Variants in SAP25 observed in about 807,000 individuals in gnomAD.
SAP25 encodes Sin3A associated protein 25.
Under a neutral mutation model 31.5 loss-of-function variants are expected in SAP25, and 24 were observed. That is an observed-to-expected ratio of 0.76 (90% CI 0.55 to 1.07). The LOEUF (loss-of-function observed/expected upper bound fraction) is 1.07. Ranked by LOEUF, SAP25 falls within the 50% of genes least tolerant of loss-of-function variation. The pLI is 0.00. For synonymous variants in SAP25, 180 were observed against 186.0 expected, an observed-to-expected ratio of 0.97 and a Z score of 0.26; for missense variants, 377 against 418.8, an observed-to-expected ratio of 0.90 and a Z score of 0.87.
rs528153790 is a variant in SAP25, at chr7:100,573,153, G to A, written c.310C>T (p.Pro104Ser). The A allele has an allele frequency of 1.1e-4, 173 of 1,536,026 alleles. 3 individuals are homozygous for A. The South Asian group carries it at 2.0e-3, about 18-fold the overall frequency. Reference protein sequence around the residue: ...VAPSRMTPLAPWDPKYEAKAG... With the variant: ...VAPSRMTPLASWDPKYEAKAG... Reference sequence around the variant, plus strand: ...TTGGCTTCATACTTGGGGTCCCAGGGCGCTAGTGGAGTCATCCTCGAGGGG... The same window carrying A: ...TTGGCTTCATACTTGGGGTCCCAGGACGCTAGTGGAGTCATCCTCGAGGGG... Residue 104 changes from proline (P) to serine (S), a missense_variant, in exon 3 of 6, where the codon CCC (proline) becomes TCC (serine). Physicochemically the swap from Pro to Ser is moderately conservative, Grantham distance 74. Coordinates refer to ENST00000622764, the MANE Select transcript of SAP25 (RefSeq NM_001348680.2).
chr7:100,572,779 G>T lies in SAP25; in HGVS notation c.512-28C>A. 1 of 1,518,964 alleles carries T rather than the reference G, an allele frequency of 6.6e-7. No individual in the cohort carries two copies. Among genetic ancestry groups the T allele is most frequent in the Non-Finnish European group, 8.8e-7 (1 of 1,139,616 alleles). 94.1% of individuals were successfully genotyped at this position (1,518,964 alleles called of 1,614,324 possible). On this transcript the variant is annotated intron_variant, in intron 4 of 5. Coordinates refer to ENST00000622764, the MANE Select transcript of SAP25 (RefSeq NM_001348680.2). This position sits in a 1 kb window ranked among gnomAD's most constrained non-coding sequence, Gnocchi z 4.1. The stretch of plus-strand genomic sequence containing the variant: ...AGGAGGAAACACCACTAGGGTGGCG[G>T]GCTGCGGGCTCCCACCCCTGGGCAC...
Position 100,572,799 on chromosome 7 carries a change from G to A in SAP25, c.512-48C>T. 6.6e-7 allele frequency: 1 copy of A among 1,510,204 alleles called. No individual in the cohort carries two copies. The highest frequency in any genetic ancestry group is 8.8e-7 in the Non-Finnish European group (1 of 1,135,870). The allele number at this position is 1,510,204 out of a possible 1,614,324, so 93.6% of individuals were successfully genotyped here. On this transcript the variant is annotated intron_variant, in intron 4 of 5. Coordinates refer to ENST00000622764, the MANE Select transcript of SAP25 (RefSeq NM_001348680.2). This position sits in a 1 kb window ranked among gnomAD's most constrained non-coding sequence, Gnocchi z 4.1. ...TGGCGGGCTGCGGGCTCCCACCCCT[G>A]GGCACTGGTTCCCAGAGGAGTTGGG...
In SAP25 at chr7:100,572,493, C is replaced by T. The variant is rs540582443; in HGVS notation, c.688G>A (p.Gly230Ser). 47 of 1,431,608 alleles carry T rather than the reference C, an allele frequency of 3.3e-5. No homozygotes were observed. The African/African-American group carries it at 6.1e-4, about 18-fold the overall frequency. The allele number at this position is 1,431,608 out of a possible 1,614,324, so 88.7% of individuals were successfully genotyped here. Residue 230 changes from glycine (G) to serine (S), a missense_variant, in exon 6 of 6, where the codon GGC becomes AGC. Gly to Ser is a moderately conservative substitution (Grantham distance 56). Coordinates refer to ENST00000622764, the MANE Select transcript of SAP25 (RefSeq NM_001348680.2). This position sits in a 1 kb window ranked among gnomAD's most constrained non-coding sequence, Gnocchi z 4.1. ...RVLPRPSPSR[G>S]PSTAWLSGPE... ...CCGCTGAGCCAGGCAGTGGAGGGGC[C>T]CCGGGAGGGTGATGGGCGGGGGAGC...
chr7:100,573,296 C>T lies in SAP25; in HGVS notation c.250+1G>A. ...AGTAGAGGCAGCAGGGCCTGTCCTA[C>T]CTGGGGCTCCGGGGGGCTGCTCAGT... On this transcript the variant is annotated splice_donor_variant, in intron 2 of 5. Coordinates refer to ENST00000622764, the MANE Select transcript of SAP25 (RefSeq NM_001348680.2). LOFTEE classifies it high-confidence loss of function. 2 of 1,394,040 alleles carry T rather than the reference C, an allele frequency of 1.4e-6. No individual in the cohort carries two copies. Among genetic ancestry groups the T allele is most frequent in the South Asian group, 1.6e-5 (1 of 61,920 alleles). 86.4% of individuals were successfully genotyped at this position (1,394,040 alleles called of 1,614,324 possible).
Position 100,573,884 on chromosome 7 carries a change from G to T in SAP25, c.-142C>A. The T allele has an allele frequency of 1.6e-6, 1 of 639,668 alleles. No homozygotes were observed. The highest frequency in any genetic ancestry group is 2.1e-6 in the Non-Finnish European group (1 of 487,662). 39.6% of individuals were successfully genotyped at this position (639,668 alleles called of 1,614,324 possible). On this transcript the variant is annotated 5_prime_UTR_variant, in exon 1 of 6. Transcript: ENST00000622764. ...CCTCGCGGCGACGCTGGCGCCCTGT[G>T]CGTCTCCCGGCCACGTGGCGCGTGC...
In SAP25 at chr7:100,573,317, T is replaced by C; in HGVS notation, c.230A>G (p.Glu77Gly). 1 of 1,384,088 alleles carries C rather than the reference T, an allele frequency of 7.2e-7. No homozygotes were observed. Among genetic ancestry groups the C allele is most frequent in the South Asian group, 1.7e-5 (1 of 59,038 alleles). 85.7% of individuals were successfully genotyped at this position (1,384,088 alleles called of 1,614,324 possible). The change falls in exon 2 of 6, where the codon GAG becomes GGG. Residue 77 changes from glutamate (E) to glycine (G), a missense_variant. Transcript: ENST00000622764. ...LPHHLPGPAT[E>G]QPPGAPDPRS... ...CCTACCTGGGGCTCCGGGGGGCTGC[T>C]CAGTGGCCGGGCCTGGCAGGTGGTG... is the stretch of plus-strand genomic sequence containing the variant.
Position 100,573,246 on chromosome 7 carries a change from C to T in SAP25, c.251-34G>A, listed in dbSNP as rs1199873972. The T allele has an allele frequency of 6.9e-6, 10 of 1,450,702 alleles. No homozygotes were observed. In the Admixed American group the frequency reaches 1.6e-4, roughly 23 times the overall value. 89.9% of individuals were successfully genotyped at this position (1,450,702 alleles called of 1,614,324 possible). A position where few individuals can be genotyped will look rare whatever the true frequency, so the allele number is the denominator to read the frequency against. ...ACGCTTGGGGATTATAACAGGCTCA[C>T]AGTCAGTGAGAGGCTCTTAGGGGTA... On this transcript the variant is annotated intron_variant, in intron 2 of 5. Transcript: ENST00000622764.
intron 1 of SAP25, 23 bp from the exon 2 acceptor site, chr7:100,573,423 T>A: frequency 3.9e-6 from 5 of 1,277,044 alleles, no homozygotes; most frequent in Non-Finnish European, 5.0e-6. Context: ...GGACTGAGGC[T>A]GCAGCCACAC....
chr7:100,572,570 A>C lies in SAP25; in HGVS notation c.611T>G (p.Met204Arg), dbSNP rs1801167721. Residue 204 changes from methionine to arginine, a missense_variant and splice_region_variant, in exon 6 of 6, where the codon ATG becomes AGG. Transcript: ENST00000622764. The surrounding 1 kb of genome is among the most constrained non-coding windows in gnomAD (Gnocchi z 4.1). ...PLYLSKAPQQ[M>R]MGSLKLLPPP... ...CGGCAGCAGTTTCAGGGAGCCCATC[A>C]TCTGAGGAGAGAGAATGGAATGTGT... 9.6e-6 allele frequency: 14 copies of C among 1,457,414 alleles called. No homozygotes were observed. Among genetic ancestry groups the C allele is most frequent in the Non-Finnish European group, 1.2e-5 (13 of 1,108,558 alleles). 90.3% of individuals were successfully genotyped at this position (1,457,414 alleles called of 1,614,324 possible).
Position 100,572,423 on chromosome 7 carries a change from C to T in SAP25, c.758G>A (p.Gly253Glu), listed in dbSNP as rs1358258014. ...CGCGGAGGAGCTGGGCCTAGGCTCC[C>T]CCTGGCTCATCTGCAGCAGGCCAGT... ...ALTGLLQMSQ[G>E]EPRPSSSAVG... Residue 253 changes from glycine (G) to glutamate (E), a missense_variant, in exon 6 of 6, where the codon GGG becomes GAG. By Grantham distance (98) the Gly-to-Glu change is moderately conservative. Coordinates refer to ENST00000622764, the MANE Select transcript of SAP25 (RefSeq NM_001348680.2). This position sits in a 1 kb window ranked among gnomAD's most constrained non-coding sequence, Gnocchi z 4.1. 1 of 1,412,196 alleles carries T rather than the reference C, an allele frequency of 7.1e-7. No homozygotes were observed. The highest frequency in any genetic ancestry group is 2.7e-5 in the East Asian group (1 of 37,384). The allele number at this position is 1,412,196 out of a possible 1,614,324, so 87.5% of individuals were successfully genotyped here. A position where few individuals can be genotyped will look rare whatever the true frequency, so the allele number is the denominator to read the frequency against.
Position 100,573,789 on chromosome 7 carries a change from G to T in SAP25, c.-47C>A. 2.6e-6 allele frequency: 3 copies of T among 1,175,790 alleles called. No homozygotes were observed. The highest frequency in any genetic ancestry group is 2.1e-6 in the Non-Finnish European group (2 of 952,150). The allele number at this position is 1,175,790 out of a possible 1,614,324, so 72.8% of individuals were successfully genotyped here. A position where few individuals can be genotyped will look rare whatever the true frequency, so the allele number is the denominator to read the frequency against. On this transcript the variant is annotated 5_prime_UTR_variant, in exon 1 of 6. Coordinates refer to ENST00000622764, the MANE Select transcript of SAP25 (RefSeq NM_001348680.2). ...CGGTACCGCCGTGTCCCCGCCGCCC[G>T]GCCCGGCCCTCTCAGCCTCCCTCCG...
In SAP25 at chr7:100,572,530, C is replaced by T; in HGVS notation, c.651G>A (p.Met217Ile). 6.9e-7 allele frequency: 1 copy of T among 1,440,098 alleles called. No homozygotes were observed. Among genetic ancestry groups the T allele is most frequent in the Non-Finnish European group, 9.1e-7 (1 of 1,100,414 alleles). 89.2% of individuals were successfully genotyped at this position (1,440,098 alleles called of 1,614,324 possible). Residue 217 changes from methionine (M) to isoleucine (I), a missense_variant, in exon 6 of 6, where the codon ATG becomes ATA. Coordinates refer to ENST00000622764, the MANE Select transcript of SAP25 (RefSeq NM_001348680.2). The surrounding 1 kb of genome is among the most constrained non-coding windows in gnomAD (Gnocchi z 4.1). ...ATGGGCGGGGGAGCACCCTGGCAGACATGATGGGGGGCGGCGGCAGCAGTT... is the reference window on the plus strand; with the variant it reads ...ATGGGCGGGGGAGCACCCTGGCAGATATGATGGGGGGCGGCGGCAGCAGTT... ...SLKLLPPPPI[M>I]SARVLPRPSP...
Position 100,572,483 on chromosome 7 carries a change from G to A in SAP25, c.698C>T (p.Thr233Ile). The A allele has an allele frequency of 1.4e-6, 2 of 1,431,002 alleles. No homozygotes were observed. The highest frequency in any genetic ancestry group is 1.8e-6 in the Non-Finnish European group (2 of 1,095,388). The allele number at this position is 1,431,002 out of a possible 1,614,324, so 88.6% of individuals were successfully genotyped here. The change falls in exon 6 of 6, where the codon ACT (threonine) becomes ATT (isoleucine). Residue 233 changes from threonine (T) to isoleucine (I), a missense_variant. Physicochemically the swap from Thr to Ile is moderately conservative, Grantham distance 89. Transcript: ENST00000622764. The surrounding 1 kb of genome is among the most constrained non-coding windows in gnomAD (Gnocchi z 4.1). ...CAGCTCCGGCCCGCTGAGCCAGGCA[G>A]TGGAGGGGCCCCGGGAGGGTGATGG... Reference protein sequence around the residue: ...PRPSPSRGPSTAWLSGPELIA... With the variant: ...PRPSPSRGPSIAWLSGPELIA...
chr7:100,572,398 C>T lies in SAP25; in HGVS notation c.783G>A (p.Ala261=), dbSNP rs1200628534. 1.1e-5 allele frequency: 16 copies of T among 1,404,084 alleles called. No homozygotes were observed. In the South Asian group the frequency reaches 1.3e-4, roughly 11 times the overall value. The allele number at this position is 1,404,084 out of a possible 1,614,324, so 87.0% of individuals were successfully genotyped here. ...CAGAGGTATGGTCTGGGGGGCCAACCGCGGAGGAGCTGGGCCTAGGCTCCC... is the reference window on the plus strand; with the variant it reads ...CAGAGGTATGGTCTGGGGGGCCAACTGCGGAGGAGCTGGGCCTAGGCTCCC... ...SQGEPRPSSS[A]VGPPDHTSDP... is the part of the protein sequence containing the mutation. Residue 261 remains alanine, a synonymous_variant, in exon 6 of 6, where the codon GCG becomes GCA. Transcript: ENST00000622764. The surrounding 1 kb of genome is among the most constrained non-coding windows in gnomAD (Gnocchi z 4.1).
Position 100,572,665 on chromosome 7 carries a change from C to A in SAP25, c.598G>T (p.Ala200Ser). The change falls in exon 5 of 6, where the codon GCC becomes TCC. Residue 200 changes from alanine (A) to serine (S), a missense_variant. Coordinates refer to ENST00000622764, the MANE Select transcript of SAP25 (RefSeq NM_001348680.2). The surrounding 1 kb of genome is among the most constrained non-coding windows in gnomAD (Gnocchi z 4.1). ...GQRVPLYLSK[A>S]PQQMMGSLKL... ...GAAAGAGCTCTCACCTGCTGGGGGG[C>A]CTTGGACAGGTACAGGGGAACACGC... 3 of 1,533,972 alleles carry A rather than the reference C, an allele frequency of 2.0e-6. No homozygotes were observed. The highest frequency in any genetic ancestry group is 2.6e-6 in the Non-Finnish European group (3 of 1,145,744).
Position 100,572,346 on chromosome 7 carries a change from T to G in SAP25, c.835A>C (p.Ser279Arg), listed in dbSNP as rs1448758899. 4 of 1,370,146 alleles carry G rather than the reference T, an allele frequency of 2.9e-6. No individual in the cohort carries two copies. In the East Asian group the frequency reaches 1.1e-4, roughly 39 times the overall value. The allele number at this position is 1,370,146 out of a possible 1,614,324, so 84.9% of individuals were successfully genotyped here. ...GAGAGGTCAGCACCCTGAGAACTGC[T>G]GGGGCTACCACAGGGGCTGGGTGGG... is the stretch of plus-strand genomic sequence containing the variant. ...SDPPSPCGSP[S>R]SSQGADLSLP... Residue 279 changes from serine to arginine, a missense_variant, in exon 6 of 6, where the codon AGC becomes CGC. Transcript: ENST00000622764. This position sits in a 1 kb window ranked among gnomAD's most constrained non-coding sequence, Gnocchi z 4.1.
chr7:100,573,573 C>CA, intron 1 of SAP25, 24 bp downstream of exon 1: 1 of 1,234,424 alleles, frequency 8.1e-7, no homozygotes, highest in South Asian at 4.0e-5. Flanking sequence ...GCTGTCCCCC[C>CA]ACGGCTCCGT....
chr7:100,572,315 G>C lies in SAP25; in HGVS notation c.866C>G (p.Pro289Arg). The C allele has an allele frequency of 7.5e-7, 1 of 1,337,538 alleles. No homozygotes were observed. The highest frequency in any genetic ancestry group is 9.6e-7 in the Non-Finnish European group (1 of 1,047,080). The allele number at this position is 1,337,538 out of a possible 1,614,324, so 82.9% of individuals were successfully genotyped here. A position where few individuals can be genotyped will look rare whatever the true frequency, so the allele number is the denominator to read the frequency against. ...SSSQGADLSL[P>R]QTPDTHCP ...TGGACAATGGGTGTCTGGGGTCTGTGGGAGAGAGAGGTCAGCACCCTGAGA... is the reference window on the plus strand; with the variant it reads ...TGGACAATGGGTGTCTGGGGTCTGTCGGAGAGAGAGGTCAGCACCCTGAGA... The change falls in exon 6 of 6, where the codon CCA (proline) becomes CGA (arginine). Residue 289 changes from proline to arginine, a missense_variant. Pro to Arg is a moderately radical substitution (Grantham distance 103, BLOSUM62 -2). Transcript: ENST00000622764. The surrounding 1 kb of genome is among the most constrained non-coding windows in gnomAD (Gnocchi z 4.1).
In SAP25 at chr7:100,572,836, C is replaced by T. The variant is rs1801181761; in HGVS notation, c.511+24G>A. ...CCAGAGGAGTTGGGGCAGCCTTGCG[C>T]CCCCGGGGGACCAAGGGAGGTACCT... On this transcript the variant is annotated intron_variant, in intron 4 of 5. Coordinates refer to ENST00000622764, the MANE Select transcript of SAP25 (RefSeq NM_001348680.2). This position sits in a 1 kb window ranked among gnomAD's most constrained non-coding sequence, Gnocchi z 4.1. 1 of 1,480,878 alleles carries T rather than the reference C, an allele frequency of 6.8e-7. No individual in the cohort carries two copies. Among genetic ancestry groups the T allele is most frequent in the Non-Finnish European group, 8.9e-7 (1 of 1,121,132 alleles). The allele number at this position is 1,480,878 out of a possible 1,614,324, so 91.7% of individuals were successfully genotyped here.
Sources: allele counts gnomAD v4.1 joint callset, GRCh38; gene constraint gnomAD v4.1.1; non-coding constraint Gnocchi (gnomAD v3.1); transcripts MANE v1.5; gene names NCBI Gene and HGNC (gene_info 2026-07-23, HGNC 2026-07-21).